RCAN2: variants seen among roughly 807,000 people sequenced by gnomAD.
RCAN2 encodes the protein regulator of calcineurin 2.
Under a neutral mutation model 23.6 loss-of-function variants are expected in RCAN2, and 9 were observed. That is an observed-to-expected ratio of 0.38 (90% CI 0.23 to 0.67). RCAN2 has a LOEUF of 0.67. Among genes scored for constraint, RCAN2 ranks in the 30% least tolerant of loss-of-function variants. The pLI is 0.51. For synonymous variants in RCAN2, 109 were observed against 115.7 expected (o/e 0.94, Z 0.37); for missense variants, 273 against 302.3 (o/e 0.90, Z 0.72).
intron 2 of RCAN2, among the ~76,000 whole-genome samples, chr6:46,390,777 G>A (rs910347159): frequency 6.6e-6 from 1 of 152,192 alleles, no homozygotes; most frequent in African/African-American, 2.4e-5. Context: ...GGGACCTGGA[G>A]CAATGAGAGC....
chr6:46,335,201 C>T (rs1024952783), intron 2 of RCAN2, among the ~76,000 whole-genome samples: 1 of 152,106 alleles, frequency 6.6e-6, no homozygotes, highest in East Asian at 1.9e-4. Context: ...TCTCTTGTGC[C>T]TTTGAATTAA....
At chr6:46,475,986 T>C (rs918235521) in intron 1 of RCAN2, among the ~76,000 whole-genome samples, 2 of 152,154 alleles carry the variant, frequency 1.3e-5, no homozygotes, top group Non-Finnish European at 2.9e-5. Flanking sequence ...AGATGGAACA[T>C]GTAGGTGGAC....
At chr6:46,419,083 A>C (rs1766793964) in intron 2 of RCAN2, among the ~76,000 whole-genome samples, 1 of 152,178 alleles carries the variant, frequency 6.6e-6, no homozygotes, top group South Asian at 2.1e-4. Context: ...GGCCGTGTGC[A>C]TATATTGTAG....
intron 1 of RCAN2, among the ~76,000 whole-genome samples, chr6:46,480,727 G>A (rs899483124): frequency 2.0e-5 from 3 of 151,956 alleles, no homozygotes; most frequent in Non-Finnish European, 2.9e-5. Context: ...CTGGGTTCAC[G>A]CCATTCTCTT....
rs150705795 is a variant in RCAN2, at chr6:46,472,951, C to A, written c.-2-15973G>T. 2.4e-4 allele frequency among the ~76,000 whole-genome samples: 36 copies of A among 152,226 alleles called. No homozygotes were observed. In the East Asian group the frequency reaches 6.6e-3, roughly 28 times the overall value. ...TAGGTTGGCTTCTGGTAGCTCAGAG[C>A]GAGAAAAAGTCCCTTCATGGGACTA... On this transcript the variant is annotated intron_variant, in intron 1 of 4. Transcript: ENST00000371374.
At chr6:46,451,011 A>G (rs1767865915) in intron 2 of RCAN2, among the ~76,000 whole-genome samples, 1 of 152,122 alleles carries the variant, frequency 6.6e-6, no homozygotes, top group South Asian at 2.1e-4. Context: ...ATATTTCAAT[A>G]CATCATATTG....
chr6:46,280,094 ATGC>A (rs751318839), intron 2 of RCAN2, among the ~76,000 whole-genome samples: 1 of 152,174 alleles, frequency 6.6e-6, no homozygotes, highest in Non-Finnish European at 1.5e-5. Flanking sequence ...TCCTAGTAAA[ATGC>A]TGCCTACCCC....
chr6:46,380,218 C>T (rs1284145592), intron 2 of RCAN2, among the ~76,000 whole-genome samples: 1 of 152,098 alleles, frequency 6.6e-6, no homozygotes, highest in Non-Finnish European at 1.5e-5. Context: ...TGGGGAAACC[C>T]CTATAACACA....
intron 2 of RCAN2, among the ~76,000 whole-genome samples, chr6:46,447,196 T>A (rs1043713408): frequency 3.3e-5 from 5 of 151,952 alleles, no homozygotes; most frequent in Non-Finnish European, 5.9e-5. Context: ...TTATATTAGA[T>A]AAAATAGAAT....
intron 2 of RCAN2, among the ~76,000 whole-genome samples, chr6:46,356,421 CT>C (rs1764832692): frequency 6.6e-6 from 1 of 152,106 alleles, no homozygotes; most frequent in South Asian, 2.1e-4. Context: ...GAGATTTGGA[CT>C]TATTGGTCTG....
chr6:46,315,744 C>T (rs1226005549), intron 2 of RCAN2, among the ~76,000 whole-genome samples: 1 of 152,110 alleles, frequency 6.6e-6, no homozygotes, highest in South Asian at 2.1e-4. Flanking sequence ...GGCTGCTTCC[C>T]TTTCCATTAA....
chr6:46,484,977 T>G (rs1043961478), intron 1 of RCAN2, among the ~76,000 whole-genome samples: 3 of 152,192 alleles, frequency 2.0e-5, no homozygotes, highest in African/African-American at 7.2e-5. Flanking sequence ...GCATTGCTTG[T>G]GGGAAAGTTC....
chr6:46,459,527 C>T (rs1161998595), intron 1 of RCAN2, among the ~76,000 whole-genome samples: 2 of 152,164 alleles, frequency 1.3e-5, no homozygotes, highest in South Asian at 4.1e-4. Context: ...AAGCTCATTA[C>T]TTTCAGTAAA....
At chr6:46,256,725 G>T (rs1463858093) in intron 2 of RCAN2, among the ~76,000 whole-genome samples, 1 of 151,984 alleles carries the variant, frequency 6.6e-6, no homozygotes, top group Non-Finnish European at 1.5e-5. Context: ...CTCAAACATG[G>T]CTTATAAAGA....
intron 2 of RCAN2, chr6:46,325,573 C>T (rs1290451247): frequency 1.7e-5 from 27 of 1,552,572 alleles, no homozygotes; most frequent in Non-Finnish European, 2.3e-5. Context: ...GGCCAGGCCT[C>T]GGTGCTGCCT....
chr6:46,366,934 A>C (rs1327597772), intron 2 of RCAN2, among the ~76,000 whole-genome samples: 1 of 149,146 alleles, frequency 6.7e-6, no homozygotes, highest in Admixed American at 6.7e-5. Flanking sequence ...CATCACAAAT[A>C]CACAAATATA....
intron 2 of RCAN2, among the ~76,000 whole-genome samples, chr6:46,356,317 T>C (rs962064982): frequency 2.0e-5 from 3 of 152,186 alleles, no homozygotes; most frequent in African/African-American, 7.2e-5. Flanking sequence ...GATGGGCCTC[T>C]CTTGATACCT....
intron 2 of RCAN2, among the ~76,000 whole-genome samples, chr6:46,254,458 G>A (rs1766838552): frequency 6.6e-6 from 1 of 152,158 alleles, no homozygotes; most frequent in South Asian, 2.1e-4. Flanking sequence ...TTGACAAATG[G>A]GCTGATGCTG....
chr6:46,452,476 T>TA (rs770305381), intron 2 of RCAN2, among the ~76,000 whole-genome samples: 2 of 152,224 alleles, frequency 1.3e-5, no homozygotes, highest in Non-Finnish European at 2.9e-5. Flanking sequence ...CCAAACTGCC[T>TA]AAGCCAGCAC....
Sources: allele counts gnomAD v4.1 joint callset (sites outside exome capture counted in the v4.1 genomes callset), GRCh38; gene constraint gnomAD v4.1.1; transcripts MANE v1.5; gene names NCBI Gene and HGNC (gene_info 2026-07-23, HGNC 2026-07-21).